The following FLRT2 variants were observed in gnomAD, a reference collection of about 807,000 sequenced individuals.
FLRT2 encodes fibronectin leucine rich transmembrane protein 2.
A neutral mutation model predicts 40.0 loss-of-function variants in FLRT2; 15 were observed. That is an observed-to-expected ratio of 0.38 (90% CI 0.25 to 0.58). The LOEUF (loss-of-function observed/expected upper bound fraction) is 0.58. Among genes scored for constraint, FLRT2 ranks in the 20% least tolerant of loss-of-function variants. The probability of loss-of-function intolerance (pLI) is 0.71; values close to 1 mark genes in which losing one functional copy is unlikely to be tolerated. For missense variants in FLRT2, 726 were observed against 840.0 expected, an observed-to-expected ratio of 0.86 and a Z score of 1.68; for synonymous variants, 380 against 336.8, an observed-to-expected ratio of 1.13 and a Z score of -1.41.
chr14:85,620,094 C>T (rs2057311), intron 1 of FLRT2, among the ~76,000 whole-genome samples: 1 of 151,926 alleles, frequency 6.6e-6, no homozygotes, highest in African/African-American at 2.4e-5. Flanking sequence ...CTTAGTCATT[C>T]TCCTCGGTGA....
In FLRT2 at chr14:85,626,761, T is replaced by A. The variant is rs1188927796; in HGVS notation, c.*3264T>A. 7 of 167,102 alleles carry A rather than the reference T, an allele frequency of 4.2e-5. No individual in the cohort carries two copies. Among genetic ancestry groups the A allele is most frequent in the Non-Finnish European group, 8.8e-5 (6 of 68,120 alleles). The allele number at this position is 167,102 out of a possible 1,614,324, so 10.4% of individuals were successfully genotyped here. On this transcript the variant is annotated 3_prime_UTR_variant, in exon 2 of 2. Transcript: ENST00000330753. ...TGTGAGAAATAATGCAATTTCTAAT[T>A]ATCTGGATGTTCGTTGAAAATATAT...
At chr14:85,590,343 C>A (rs2139315025) in intron 1 of FLRT2, among the ~76,000 whole-genome samples, 1 of 152,276 alleles carries the variant, frequency 6.6e-6, no homozygotes, top group Admixed American at 6.5e-5. Context: ...ATGTGCTGTA[C>A]AATACCTGTC....
rs1342809219 is a variant in FLRT2, at chr14:85,622,170, A to C, written c.656A>C (p.Lys219Thr). The C allele has an allele frequency of 1.9e-6, 3 of 1,614,174 alleles. No homozygotes were observed. The East Asian group carries it at 6.7e-5, about 36-fold the overall frequency. Reference sequence around the variant, plus strand: ...GTGGACGGGAACCTCCTGACCAACAAGGGTATCGCCGAGGGCACCTTCAGC... The same window carrying C: ...GTGGACGGGAACCTCCTGACCAACACGGGTATCGCCGAGGGCACCTTCAGC... ...LIVDGNLLTN[K>T]GIAEGTFSHL... Residue 219 changes from lysine (K) to threonine (T), a missense_variant, in exon 2 of 2, where the codon AAG becomes ACG. By Grantham distance (78) the Lys-to-Thr change is moderately conservative. Around this residue, in one of 3 missense-constraint regions of FLRT2, gnomAD observed 611 missense variants for 690.0 expected, o/e 0.89. Transcript: ENST00000330753.
intron 1 of FLRT2, among the ~76,000 whole-genome samples, chr14:85,603,942 T>C (rs577548484): frequency 6.6e-6 from 1 of 152,242 alleles, no homozygotes; most frequent in East Asian, 1.9e-4. Context: ...ATAAGGTAAC[T>C]TTTCCTTGTG....
At chr14:85,605,582 AACACG>A (rs1566751862) in intron 1 of FLRT2, among the ~76,000 whole-genome samples, 2 of 152,122 alleles carry the variant, frequency 1.3e-5, no homozygotes, top group African/African-American at 4.8e-5. Context: ...CATCCTGGCT[AACACG>A]GTGAAACCCC....
rs1250264483 is a variant in FLRT2 at position 85,645,882 on chromosome 14, T to C, written c.*22385T>C. 6.6e-6 allele frequency: 1 copy of C among 152,216 alleles called. No homozygotes were observed. The highest frequency in any genetic ancestry group is 1.5e-5 in the Non-Finnish European group (1 of 68,040). The allele number at this position is 152,216 out of a possible 1,614,324, so 9.4% of individuals were successfully genotyped here. On this transcript the variant is annotated 3_prime_UTR_variant, in exon 2 of 2. Transcript: ENST00000330753. ...TGAGTACCTAAGAGCCCAATTCTGA[T>C]ACTCTCATATTGCACTATTCACTAG...
intron 1 of FLRT2, among the ~76,000 whole-genome samples, chr14:85,554,507 C>T (rs183619703): frequency 6.6e-5 from 10 of 152,262 alleles, no homozygotes; most frequent in African/African-American, 2.2e-4. Context: ...GGTTTGTGTA[C>T]CTATTTTGAA....
In FLRT2 at chr14:85,651,865, TAA is replaced by T. The variant is rs1337223909; in HGVS notation, c.*28370_*28371del. ...TATTTGACTTAAATTCTAAAATTAATAAACACTTTCTTAATTTCCTGAACAAT... is the reference window on the plus strand; with the variant it reads ...TATTTGACTTAAATTCTAAAATTAATACACTTTCTTAATTTCCTGAACAAT... On this transcript the variant is annotated 3_prime_UTR_variant, in exon 2 of 2. Transcript: ENST00000330753. 6.6e-6 allele frequency: 1 copy of T among 152,092 alleles called. No individual in the cohort carries two copies. The highest frequency in any genetic ancestry group is 2.4e-5 in the African/African-American group (1 of 41,452). The allele number at this position is 152,092 out of a possible 1,614,324, so 9.4% of individuals were successfully genotyped here. A position where few individuals can be genotyped will look rare whatever the true frequency, so the allele number is the denominator to read the frequency against.
rs1181002179 is a variant in FLRT2, at chr14:85,647,485, T to C, written c.*23988T>C. The stretch of plus-strand genomic sequence containing the variant: ...CCTTCCACATGATGTTGGGATATGA[T>C]GGCTTAGAAGTCTTACTAGTCAATG... On this transcript the variant is annotated 3_prime_UTR_variant, in exon 2 of 2. Coordinates refer to ENST00000330753, the MANE Select transcript of FLRT2 (RefSeq NM_013231.6). 6.6e-6 allele frequency: 1 copy of C among 152,192 alleles called. No individual in the cohort carries two copies. Among genetic ancestry groups the C allele is most frequent in the Admixed American group, 6.5e-5 (1 of 15,274 alleles). The allele number at this position is 152,192 out of a possible 1,614,324, so 9.4% of individuals were successfully genotyped here.
chr14:85,579,570 G>A (rs1193154341), intron 1 of FLRT2, among the ~76,000 whole-genome samples: 1 of 152,054 alleles, frequency 6.6e-6, no homozygotes, highest in African/African-American at 2.4e-5. Context: ...CCAGCCACTT[G>A]GAGCAAATTA....
intron 1 of FLRT2, among the ~76,000 whole-genome samples, chr14:85,548,232 ATTAGAT>A (rs1040857703): frequency 1.3e-5 from 2 of 152,240 alleles, no homozygotes; most frequent in African/African-American, 4.8e-5. Flanking sequence ...GCTACTTCCC[ATTAGAT>A]TTAAATATTG....
Position 85,620,243 on chromosome 14 carries a change from T to G in FLRT2, c.-376-896T>G, listed in dbSNP as rs530692086. 1.3e-3 allele frequency among the ~76,000 whole-genome samples: 195 copies of G among 152,366 alleles called. 1 individual carries two copies. Among genetic ancestry groups the G allele is most frequent in the African/African-American group, 4.4e-3 (181 of 41,588 alleles). On this transcript the variant is annotated intron_variant, in intron 1 of 1. Transcript: ENST00000330753. Reference sequence around the variant, plus strand: ...TTTTTTTCTTTGAAAAATTTTTTCTTTGAATTTCTTTTTTTTCTTTGAATG... The same window carrying G: ...TTTTTTTCTTTGAAAAATTTTTTCTGTGAATTTCTTTTTTTTCTTTGAATG...
rs570424429 is a variant in FLRT2 at position 85,606,421 on chromosome 14, G to A, written c.-376-14718G>A. ...GTTTCTGCATCCCTAAAATGGCAATGTAATATTTACTACACAGTGTGGCCA... is the reference window on the plus strand; with the variant it reads ...GTTTCTGCATCCCTAAAATGGCAATATAATATTTACTACACAGTGTGGCCA... On this transcript the variant is annotated intron_variant, in intron 1 of 1. Coordinates refer to ENST00000330753, the MANE Select transcript of FLRT2 (RefSeq NM_013231.6). Among the ~76,000 whole-genome samples, 13 of 151,744 alleles carry A rather than the reference G, an allele frequency of 8.6e-5. 1 individual carries two copies. The South Asian group carries it at 2.5e-3, about 29-fold the overall frequency.
intron 1 of FLRT2, among the ~76,000 whole-genome samples, chr14:85,573,933 C>A (rs771745315): frequency 3.9e-5 from 6 of 152,216 alleles, no homozygotes; most frequent in Non-Finnish European, 8.8e-5. Context: ...TTCCTCATTT[C>A]TTTTGATTAG....
At chr14:85,620,574 C>G (rs572488460) in intron 1 of FLRT2, among the ~76,000 whole-genome samples, 1 of 152,172 alleles carries the variant, frequency 6.6e-6, no homozygotes, top group African/African-American at 2.4e-5. Flanking sequence ...TATGAAAGTT[C>G]ATATCTAGTA....
chr14:85,649,877 G>A lies in FLRT2; in HGVS notation c.*26380G>A, dbSNP rs1039878783. 2.0e-5 allele frequency: 3 copies of A among 151,922 alleles called. No homozygotes were observed. Among genetic ancestry groups the A allele is most frequent in the African/African-American group, 7.2e-5 (3 of 41,388 alleles). 9.4% of individuals were successfully genotyped at this position (151,922 alleles called of 1,614,324 possible). On this transcript the variant is annotated 3_prime_UTR_variant, in exon 2 of 2. Transcript: ENST00000330753. ...ACTTTCTCATATTCTGAAGAATGAAGCATTTCTGTCCTAGGTGATTATAAA... is the reference window on the plus strand; with the variant it reads ...ACTTTCTCATATTCTGAAGAATGAAACATTTCTGTCCTAGGTGATTATAAA...
intron 1 of FLRT2, among the ~76,000 whole-genome samples, chr14:85,566,549 T>TTTTGTGTGTG (rs1555366636): frequency 7.6e-6 from 1 of 130,826 alleles, no homozygotes; most frequent in Non-Finnish European, 1.7e-5. Context: ...ACTTCCATGG[T>TTTTGTGTGTG]TGTGTGTGTG....
rs1893363353 is a variant in FLRT2, at chr14:85,621,179, A to T, written c.-336A>T. The T allele has an allele frequency of 3.2e-6, 1 of 315,728 alleles. No individual in the cohort carries two copies. Among genetic ancestry groups the T allele is most frequent in the Admixed American group, 4.5e-5 (1 of 22,236 alleles). The allele number at this position is 315,728 out of a possible 1,614,324, so 19.6% of individuals were successfully genotyped here. The stretch of plus-strand genomic sequence containing the variant: ...TAACCAAGAAGTTCGTAGGCTAATC[A>T]AGGCTGGCTTGACCTACAAAAGAAG... On this transcript the variant is annotated 5_prime_UTR_variant, in exon 2 of 2. An upstream open reading frame in the 5' UTR gains an earlier in-frame stop. Transcript: ENST00000330753.
At chr14:85,572,014 G>C (rs937448794) in intron 1 of FLRT2, among the ~76,000 whole-genome samples, 3 of 152,182 alleles carry the variant, frequency 2.0e-5, no homozygotes. Flanking sequence ...CTGCATAGGG[G>C]TGAGACAAAC....
Sources: gnomAD v4.1 joint callset for allele counts (sites outside exome capture counted in the v4.1 genomes callset) on GRCh38, gnomAD v4.1.1 for gene constraint, gnomAD v4.1.1 regional missense constraint, MANE v1.5 for transcripts, NCBI Gene and HGNC (gene_info 2026-07-23, HGNC 2026-07-21) for gene names.